AFG3L2: variants seen among roughly 807,000 people sequenced by gnomAD.
AFG3L2 encodes the protein mitochondrial inner membrane m-AAA protease component AFG3L2.
In AFG3L2, 54 loss-of-function variants were observed where a neutral mutation model predicts 94.5. That is an observed-to-expected ratio of 0.57 (90% CI 0.46 to 0.72). AFG3L2 has a LOEUF of 0.72. Ranked by LOEUF, AFG3L2 falls within the 30% of genes least tolerant of loss-of-function variation. The pLI is 0.00. For missense variants in AFG3L2, 754 were observed against 994.9 expected, an observed-to-expected ratio of 0.76 and a Z score of 3.26; for synonymous variants, 377 against 365.5, an observed-to-expected ratio of 1.03 and a Z score of -0.36.
chr18:12,349,889 T>C (rs769433187), intron 12 of AFG3L2, among the ~76,000 whole-genome samples: 51 of 151,966 alleles, frequency 3.4e-4, no homozygotes, highest in Admixed American at 3.3e-4. Flanking sequence ...CTTGAACTCC[T>C]GACGTCAGGT....
In AFG3L2 at chr18:12,348,528, C is replaced by T. The variant is rs1277277385; in HGVS notation, c.1553-145G>A. 5 of 712,904 alleles carry T rather than the reference C, an allele frequency of 7.0e-6. No individual in the cohort carries two copies. The African/African-American group carries it at 7.0e-5, about 10-fold the overall frequency. The allele number at this position is 712,904 out of a possible 1,614,324, so 44.2% of individuals were successfully genotyped here. A position where few individuals can be genotyped will look rare whatever the true frequency, so the allele number is the denominator to read the frequency against. ...TTGTGTAAATATAATTCTGTTTTGA[C>T]TCATGATAACCCTAAGCTATTCTAG... On this transcript the variant is annotated intron_variant, in intron 12 of 16. Transcript: ENST00000269143.
At chr18:12,345,996 C>G (rs1009621762) in intron 13 of AFG3L2, among the ~76,000 whole-genome samples, 1 of 152,172 alleles carries the variant, frequency 6.6e-6, no homozygotes, top group Admixed American at 6.5e-5. Flanking sequence ...GTTTTGTACC[C>G]TCTACTCAGA....
At chr18:12,331,364 A>G (rs890409641) in intron 16 of AFG3L2, among the ~76,000 whole-genome samples, 1 of 152,208 alleles carries the variant, frequency 6.6e-6, no homozygotes, top group Non-Finnish European at 1.5e-5. Flanking sequence ...TTCTAGGCTC[A>G]GCCTACAAAA....
chr18:12,368,664 G>C (rs1027885367), intron 3 of AFG3L2, among the ~76,000 whole-genome samples: 1 of 152,074 alleles, frequency 6.6e-6, no homozygotes, highest in Non-Finnish European at 1.5e-5. Flanking sequence ...ACAATGGCGT[G>C]ATCTCAGCTC....
chr18:12,363,756 T>C, intron 6 of AFG3L2, 26 bp downstream of exon 6: 1 of 1,577,548 alleles, frequency 6.3e-7, no homozygotes, highest in Non-Finnish European at 8.7e-7. Flanking sequence ...TACAACTAAT[T>C]CACATCAATT....
At chr18:12,334,969 C>T (rs910931908) in intron 16 of AFG3L2, among the ~76,000 whole-genome samples, 3 of 152,162 alleles carry the variant, frequency 2.0e-5, no homozygotes, top group Non-Finnish European at 4.4e-5. Flanking sequence ...AATCTCGGGA[C>T]CCTAAACGCA....
At position 12,360,361 on chromosome 18, in the gene AFG3L2, A is replaced by C. The variant is rs530136142; in HGVS notation, c.628-310T>G. Reference sequence around the variant, plus strand: ...ATCCTTTTTAAAATAAATATGCATTATTTCCCTCTTCCTCTATTTCCTAGG... The same window carrying C: ...ATCCTTTTTAAAATAAATATGCATTCTTTCCCTCTTCCTCTATTTCCTAGG... On this transcript the variant is annotated intron_variant, in intron 6 of 16. Coordinates refer to ENST00000269143, the MANE Select transcript of AFG3L2 (RefSeq NM_006796.3). The C allele has an allele frequency of 1.2e-4, 39 of 324,530 alleles. No homozygotes were observed. In the Admixed American group the frequency reaches 1.9e-3, roughly 16 times the overall value. The allele number at this position is 324,530 out of a possible 1,614,324, so 20.1% of individuals were successfully genotyped here.
At chr18:12,375,164 C>T (rs1326210275) in intron 1 of AFG3L2, among the ~76,000 whole-genome samples, 1 of 151,456 alleles carries the variant, frequency 6.6e-6, no homozygotes, top group East Asian at 1.9e-4. Flanking sequence ...CGTGGCGTGA[C>T]CATGGCGAAG....
At chr18:12,354,634 G>T (rs1908432467) in intron 9 of AFG3L2, among the ~76,000 whole-genome samples, 1 of 152,084 alleles carries the variant, frequency 6.6e-6, no homozygotes. Context: ...CACTGCCAAG[G>T]TTGCCTTTTA....
chr18:12,333,813 G>A (rs374471088), intron 16 of AFG3L2, among the ~76,000 whole-genome samples: 225 of 152,260 alleles, frequency 1.5e-3, no homozygotes, highest in African/African-American at 3.9e-3. Context: ...GCAGCCCTCC[G>A]CAGCTGCCTT....
intron 14 of AFG3L2, 139 bp downstream of exon 14, chr18:12,343,993 G>T: frequency 1.4e-6 from 1 of 735,392 alleles, no homozygotes; most frequent in South Asian, 1.5e-5. Context: ...TGCAACTATG[G>T]TTACCAGAAG....
intron 1 of AFG3L2, 89 bp from the exon 2 acceptor site, chr18:12,371,780 G>T: frequency 9.4e-7 from 1 of 1,061,488 alleles, no homozygotes; most frequent in South Asian, 1.3e-5. Context: ...GTAGATGAAA[G>T]GTCTCTCTCT....
chr18:12,369,711 CAAAA>C (rs1209554607), intron 3 of AFG3L2, among the ~76,000 whole-genome samples: 3 of 89,618 alleles, frequency 3.3e-5, no homozygotes, highest in Non-Finnish European at 2.4e-5. Context: ...GACCCCTCCT[CAAAA>C]AAAAAAAAAA....
chr18:12,341,727 T>C (rs942216067), intron 14 of AFG3L2: 3 of 152,244 alleles, frequency 2.0e-5, no homozygotes, highest in Non-Finnish European at 2.9e-5. Flanking sequence ...AGTCCTTGCA[T>C]GGACATAGGT....
rs552804165 is a variant in AFG3L2, at chr18:12,354,139, C to G, written c.1165-981G>C. The stretch of plus-strand genomic sequence containing the variant: ...CTCCACCTGCCCACTCCCACCCCCC[C>G]CCCCCCACTTCACTGGACAGAAGTC... On this transcript the variant is annotated intron_variant, in intron 9 of 16. Coordinates refer to ENST00000269143, the MANE Select transcript of AFG3L2 (RefSeq NM_006796.3). Among the ~76,000 whole-genome samples, 69 of 136,834 alleles carry G rather than the reference C, an allele frequency of 5.0e-4. 1 individual carries two copies. The highest frequency in any genetic ancestry group is 1.6e-3 in the African/African-American group (54 of 34,138). The allele number at this position is 136,834 out of a possible 152,430, so 89.8% of individuals were successfully genotyped here.
At chr18:12,370,516 G>C (rs921379782) in intron 3 of AFG3L2, among the ~76,000 whole-genome samples, 2 of 147,302 alleles carry the variant, frequency 1.4e-5, no homozygotes. Flanking sequence ...TGTTGCCCAG[G>C]CTGGAGTGCA....
intron 15 of AFG3L2, among the ~76,000 whole-genome samples, chr18:12,338,783 G>A (rs887762481): frequency 6.6e-6 from 1 of 152,158 alleles, no homozygotes; most frequent in African/African-American, 2.4e-5. Context: ...TCAATATTAA[G>A]AGGAAATCCG....
intron 1 of AFG3L2, among the ~76,000 whole-genome samples, chr18:12,376,622 T>C (rs1909165300): frequency 6.6e-6 from 1 of 152,282 alleles, no homozygotes; most frequent in South Asian, 2.1e-4. Flanking sequence ...TGCTGCTGAC[T>C]CAAAATTACA....
intron 1 of AFG3L2, 25 bp from the exon 2 acceptor site, chr18:12,371,716 C>T: frequency 1.3e-6 from 2 of 1,591,496 alleles, no homozygotes; most frequent in Non-Finnish European, 1.7e-6. Flanking sequence ...AAAAATAAAA[C>T]CATAGTTATA....
Sources: allele counts gnomAD v4.1 joint callset (sites outside exome capture counted in the v4.1 genomes callset), GRCh38; gene constraint gnomAD v4.1.1; transcripts MANE v1.5; gene names NCBI Gene and HGNC (gene_info 2026-07-23, HGNC 2026-07-21).